The following CAMK2D variants were observed in gnomAD, a reference collection of about 807,000 sequenced individuals.
CAMK2D encodes calcium/calmodulin-dependent protein kinase type II subunit delta.
A neutral mutation model predicts 84.0 loss-of-function variants in CAMK2D; 37 were observed. The ratio of observed to expected loss-of-function variants is 0.44; its 90% CI spans 0.34 to 0.58. The LOEUF (loss-of-function observed/expected upper bound fraction) is 0.58, where lower values mean the gene tolerates loss of function less well. Ranked by LOEUF, CAMK2D falls within the 20% of genes least tolerant of loss-of-function variation. The pLI is 0.02. For synonymous variants in CAMK2D, 202 were observed against 212.5 expected, an observed-to-expected ratio of 0.95 and a Z score of 0.43; for missense variants, 448 against 652.5, an observed-to-expected ratio of 0.69 and a Z score of 3.41.
At chr4:113,629,414 CT>C (rs1235472585) in intron 3 of CAMK2D, among the ~76,000 whole-genome samples, 1 of 151,914 alleles carries the variant, frequency 6.6e-6, no homozygotes. Context: ...GGTTTTTAAA[CT>C]TTTTAAAATA....
chr4:113,742,235 AC>A (rs1238725122), intron 2 of CAMK2D, among the ~76,000 whole-genome samples: 1 of 152,222 alleles, frequency 6.6e-6, no homozygotes, highest in Non-Finnish European at 1.5e-5. Flanking sequence ...GACCTTGGGA[AC>A]CAGAGAAACA....
chr4:113,754,568 GTTTACACTAGTTA>G (rs1355517509), intron 2 of CAMK2D: 2 of 980,826 alleles, frequency 2.0e-6, no homozygotes, highest in African/African-American at 3.5e-5. Flanking sequence ...TCAGGTAGAG[GTTTACACTAGTTA>G]TTAATATCAC....
At chr4:113,470,289 A>ACC (rs201769349) in intron 16 of CAMK2D, among the ~76,000 whole-genome samples, 1 of 148,938 alleles carries the variant, frequency 6.7e-6, no homozygotes, top group African/African-American at 2.5e-5. Flanking sequence ...GGAAAACTGC[A>ACC]CCCCCCCCAT....
At chr4:113,556,784 C>G (rs2098667723) in intron 4 of CAMK2D, among the ~76,000 whole-genome samples, 3 of 152,056 alleles carry the variant, frequency 2.0e-5, no homozygotes, top group South Asian at 2.1e-4. Context: ...GCACCATGTT[C>G]TAAGATATAA....
intron 2 of CAMK2D, among the ~76,000 whole-genome samples, chr4:113,698,871 T>C (rs767807945): frequency 6.6e-5 from 10 of 152,088 alleles, no homozygotes; most frequent in Non-Finnish European, 1.2e-4. Context: ...AGATAGCAAT[T>C]TCACTTTGGA....
intron 2 of CAMK2D, among the ~76,000 whole-genome samples, chr4:113,745,116 A>G (rs2099601373): frequency 6.6e-6 from 1 of 152,204 alleles, no homozygotes; most frequent in Non-Finnish European, 1.5e-5. Context: ...ACCAAGTAAC[A>G]TCATAGAGGC....
intron 4 of CAMK2D, among the ~76,000 whole-genome samples, chr4:113,574,359 T>A (rs767804742): frequency 2.5e-4 from 38 of 152,348 alleles, no homozygotes; most frequent in Non-Finnish European, 2.8e-4. Context: ...ATTTCTCTGA[T>A]TAAAAATATA....
chr4:113,722,922 T>C (rs1237388554), intron 2 of CAMK2D, among the ~76,000 whole-genome samples: 1 of 152,102 alleles, frequency 6.6e-6, no homozygotes, highest in Non-Finnish European at 1.5e-5. Context: ...AGAGAGAAGG[T>C]CACTAATTGC....
intron 3 of CAMK2D, among the ~76,000 whole-genome samples, chr4:113,648,870 T>C (rs953966915): frequency 6.6e-6 from 1 of 152,184 alleles, no homozygotes; most frequent in Non-Finnish European, 1.5e-5. Context: ...TTGCGACTTC[T>C]AGTCTTCCTT....
At chr4:113,488,624 T>C (rs1471840476) in intron 16 of CAMK2D, among the ~76,000 whole-genome samples, 1 of 152,214 alleles carries the variant, frequency 6.6e-6, no homozygotes, top group Non-Finnish European at 1.5e-5. Context: ...TCTTACAACA[T>C]ATATATGCCT....
At chr4:113,701,204 T>G in intron 2 of CAMK2D, among the ~76,000 whole-genome samples, 1 of 152,232 alleles carries the variant, frequency 6.6e-6, no homozygotes, top group East Asian at 1.9e-4. Flanking sequence ...TTGGGCAATC[T>G]TATAGCTTAT....
intron 7 of CAMK2D, 134 bp from the exon 8 acceptor site, chr4:113,531,433 CAATA>C (rs2098457465): frequency 1.6e-6 from 1 of 641,988 alleles, no homozygotes; most frequent in Non-Finnish European, 2.8e-6. Flanking sequence ...GTTCTCAGAG[CAATA>C]AATAGTGTAG....
chr4:113,693,520 A>G (rs1182414672), intron 2 of CAMK2D, among the ~76,000 whole-genome samples: 2 of 152,220 alleles, frequency 1.3e-5, no homozygotes, highest in African/African-American at 4.8e-5. Context: ...AAGTAAAGGC[A>G]GCAAGTGTCA....
At chr4:113,502,736 GTTTCTC>G in intron 15 of CAMK2D, among the ~76,000 whole-genome samples, 194 bp downstream of exon 15, 1 of 152,176 alleles carries the variant, frequency 6.6e-6, no homozygotes, top group Admixed American at 6.5e-5. Context: ...GGTAACATTA[GTTTCTC>G]TTTCAAGATG....
chr4:113,688,947 T>TA (rs11323297), intron 2 of CAMK2D, among the ~76,000 whole-genome samples: 628 of 52,284 alleles, frequency 0.012, 4 homozygotes, highest in African/African-American at 0.032. Flanking sequence ...AAGAGCACAC[T>TA]AAAAAAAAAA....
rs79005551 is a variant in CAMK2D, at chr4:113,640,477, T to C, written c.220+21236A>G. Among the ~76,000 whole-genome samples the C allele has an allele frequency of 5.6e-3, 847 of 152,232 alleles. 40 individuals are homozygous for C. In the East Asian group the frequency reaches 0.11, roughly 20 times the overall value. On this transcript the variant is annotated intron_variant, in intron 3 of 20. Coordinates refer to ENST00000511664, the MANE Select transcript of CAMK2D (RefSeq NM_001321571.2). ...TTGTTTCCTTACGTACAAGACAGAC[T>C]CAATCCCCATCCTCAGAGAGCTTAC... is the stretch of plus-strand genomic sequence containing the variant.
At chr4:113,603,771 T>TATATATATATATATA (rs1561290012) in intron 4 of CAMK2D, among the ~76,000 whole-genome samples, 1 of 86,948 alleles carries the variant, frequency 1.2e-5, no homozygotes, top group African/African-American at 4.6e-5. Context: ...TTTCTTGCTA[T>TATATATATATATATA]TTTATATATA....
At chr4:113,641,269 T>A (rs942956551) in intron 3 of CAMK2D, among the ~76,000 whole-genome samples, 1 of 152,200 alleles carries the variant, frequency 6.6e-6, no homozygotes, top group East Asian at 1.9e-4. Context: ...ACAAATGTAT[T>A]TGAATCCTGG....
chr4:113,759,528 A>G, intron 1 of CAMK2D, 114 bp from the exon 2 acceptor site: 1 of 514,180 alleles, frequency 1.9e-6, no homozygotes, highest in Middle Eastern at 4.2e-4. Flanking sequence ...AAGTACAGTA[A>G]TATCCAGTAA....
Sources: allele counts gnomAD v4.1 joint callset (sites outside exome capture counted in the v4.1 genomes callset), GRCh38; gene constraint gnomAD v4.1.1; transcripts MANE v1.5; gene names NCBI Gene and HGNC (gene_info 2026-07-23, HGNC 2026-07-21).